Variants in BRIP1 observed in about 807,000 individuals in gnomAD.
The protein encoded by BRIP1 is Fanconi anemia group J protein.
In BRIP1, 88 loss-of-function variants were observed where a neutral mutation model predicts 119.7. That is an observed-to-expected ratio of 0.74 (90% confidence interval 0.62 to 0.88). BRIP1 has a LOEUF of 0.88. Among genes scored for constraint, BRIP1 ranks in the 40% least tolerant of loss-of-function variants. The pLI is 0.00. For synonymous variants in BRIP1, 443 were observed against 496.5 expected (o/e 0.89, Z 1.43); for missense variants, 1,259 against 1,455.4 (o/e 0.87, Z 2.20).
rs775755739 is a variant in BRIP1 at position 61,861,445 on chromosome 17, A to C, written c.93+2T>G. The C allele has an allele frequency of 6.2e-7, 1 of 1,600,248 alleles. No homozygotes were observed. Among genetic ancestry groups the C allele is most frequent in the Admixed American group, 1.7e-5 (1 of 59,994 alleles). On this transcript the variant is annotated splice_donor_variant, in intron 2 of 19. Coordinates refer to ENST00000259008, the MANE Select transcript of BRIP1 (RefSeq NM_032043.3). LOFTEE classifies it high-confidence loss of function. This position sits in a 1 kb window ranked among gnomAD's most constrained non-coding sequence, Gnocchi z 4.5. ...AAAACTTAACTGCTGAAAAATACTT[A>C]CAGAATTCATCATAGCAAGCTGTGA...
rs907563596 is a variant in BRIP1 at position 61,827,509 on chromosome 17, C to A, written c.628-18752G>T. Among the ~76,000 whole-genome samples, 5 of 152,140 alleles carry A rather than the reference C, an allele frequency of 3.3e-5. No individual in the cohort carries two copies. The highest frequency in any genetic ancestry group is 7.4e-5 in the Non-Finnish European group (5 of 68,022). On this transcript the variant is annotated intron_variant, in intron 6 of 19. Transcript: ENST00000259008. The surrounding 1 kb of genome is among the most constrained non-coding windows in gnomAD (Gnocchi z 5.8). ...TTTGAGAGGTAAGGCAGGAGGATCA[C>A]TTGAGACCAGAAGTTCAAGGCTAGC...
chr17:61,860,576 C>T lies in BRIP1; in HGVS notation c.94-669G>A, dbSNP rs886241702. Among the ~76,000 whole-genome samples the T allele has an allele frequency of 6.6e-6, 1 of 152,196 alleles. No individual in the cohort carries two copies. The highest frequency in any genetic ancestry group is 1.5e-5 in the Non-Finnish European group (1 of 68,040). ...TGGGGAGGCTGAGGCAGGAGAATAG[C>T]TTCAGCCTGGGAGGCAGGGGTTGCA... On this transcript the variant is annotated intron_variant, in intron 2 of 19. Transcript: ENST00000259008. The surrounding 1 kb of genome is among the most constrained non-coding windows in gnomAD (Gnocchi z 4.1).
In BRIP1 at chr17:61,780,946, T is replaced by C. The variant is rs577768294; in HGVS notation, c.1688A>G (p.Asp563Gly). 16 of 1,614,074 alleles carry C rather than the reference T, an allele frequency of 9.9e-6. No individual in the cohort carries two copies. The East Asian group carries it at 3.6e-4, about 36-fold the overall frequency. Residue 563 changes from aspartate to glycine, a missense_variant, in exon 12 of 20, where the codon GAT (aspartate) becomes GGT (glycine). Around this residue, in one of 3 missense-constraint regions of BRIP1, gnomAD observed 753 missense variants for 891.8 expected, o/e 0.84. Transcript: ENST00000259008. This position sits in a 1 kb window ranked among gnomAD's most constrained non-coding sequence, Gnocchi z 5.4. ...QQTYSWTNQI[D>G]ISDKNGLLVL... ...CAACAACCCATTTTTGTCTGAAATA[T>C]CAATCTGATTTGTCCAGGAGTAAGT...
Position 61,729,034 on chromosome 17 carries a change from A to G in BRIP1, c.2380-12971T>C, listed in dbSNP as rs1310031564. Among the ~76,000 whole-genome samples the G allele has an allele frequency of 1.3e-5, 2 of 148,312 alleles. No individual in the cohort carries two copies. The highest frequency in any genetic ancestry group is 3.0e-5 in the Non-Finnish European group (2 of 65,680). On this transcript the variant is annotated intron_variant, in intron 16 of 19. Transcript: ENST00000259008. The surrounding 1 kb of genome is among the most constrained non-coding windows in gnomAD (Gnocchi z 5.6). Reference sequence around the variant, plus strand: ...GAGGACGGGCGGCTGTAACCCCAGCACTTTGGGAGGCTGAGGCGGGCGGAT... The same window carrying G: ...GAGGACGGGCGGCTGTAACCCCAGCGCTTTGGGAGGCTGAGGCGGGCGGAT...
At position 61,690,729 on chromosome 17, in the gene BRIP1, T is replaced by C. The variant is rs950981692; in HGVS notation, c.2575+2701A>G. 6.6e-6 allele frequency among the ~76,000 whole-genome samples: 1 copy of C among 151,994 alleles called. No individual in the cohort carries two copies. The highest frequency in any genetic ancestry group is 6.6e-5 in the Admixed American group (1 of 15,254). ...GAAAATGAAATAAAAGGAATCCAAA[T>C]TGAAAAAGAATAAAGTGAAATGATC... On this transcript the variant is annotated intron_variant, in intron 18 of 19. Transcript: ENST00000259008. This position sits in a 1 kb window ranked among gnomAD's most constrained non-coding sequence, Gnocchi z 5.6.
rs562269598 is a variant in BRIP1, at chr17:61,762,703, G to A, written c.2097+13698C>T. On this transcript the variant is annotated intron_variant, in intron 14 of 19. Transcript: ENST00000259008. The surrounding 1 kb of genome is among the most constrained non-coding windows in gnomAD (Gnocchi z 4.3). The stretch of plus-strand genomic sequence containing the variant: ...CCTTATGCCTGTAACAATGGCTACT[G>A]TCAAAAAGATGAAAGATAACAAAGT... Among the ~76,000 whole-genome samples, 1 of 152,158 alleles carries A rather than the reference G, an allele frequency of 6.6e-6. No homozygotes were observed. Among genetic ancestry groups the A allele is most frequent in the Non-Finnish European group, 1.5e-5 (1 of 67,944 alleles).
In BRIP1 at chr17:61,803,152, C is replaced by T. The variant is rs2078021355; in HGVS notation, c.919-1678G>A. ...CTCTGTCACCTGGGGTGCAGTGGCA[C>T]GATCCAATCTTGGTTCACTGCAACC... On this transcript the variant is annotated intron_variant, in intron 7 of 19. Transcript: ENST00000259008. The surrounding 1 kb of genome is among the most constrained non-coding windows in gnomAD (Gnocchi z 4.3). 6.6e-6 allele frequency among the ~76,000 whole-genome samples: 1 copy of T among 151,162 alleles called. No individual in the cohort carries two copies. Among genetic ancestry groups the T allele is most frequent in the African/African-American group, 2.4e-5 (1 of 41,060 alleles).
At chr17:61,765,394 TATATATATATATATATATATA>T (rs1567798789) in intron 14 of BRIP1, among the ~76,000 whole-genome samples, 20 of 15,892 alleles carry the variant, frequency 1.3e-3, no homozygotes, top group Non-Finnish European at 1.9e-3. Context: ...TATATATATA[TATATATATATATATATATATA>T]TATATATATT....
intron 16 of BRIP1, among the ~76,000 whole-genome samples, chr17:61,731,377 A>G (rs918996867): frequency 2.0e-5 from 3 of 152,192 alleles, no homozygotes; most frequent in Non-Finnish European, 4.4e-5. Flanking sequence ...CACTATAACC[A>G]GAAGTCCACT....
chr17:61,771,943 C>T lies in BRIP1; in HGVS notation c.2097+4458G>A, dbSNP rs562207185. On this transcript the variant is annotated intron_variant, in intron 14 of 19. Transcript: ENST00000259008. ...TGCCACTGCACTCCAGCCTGGGTGACAGAGTGAGACTCCATCTCAAAAAAA... is the reference window on the plus strand; with the variant it reads ...TGCCACTGCACTCCAGCCTGGGTGATAGAGTGAGACTCCATCTCAAAAAAA... Among the ~76,000 whole-genome samples the T allele has an allele frequency of 3.9e-5, 6 of 151,984 alleles. No individual in the cohort carries two copies. In the South Asian group the frequency reaches 1.0e-3, roughly 26 times the overall value.
Position 61,684,089 on chromosome 17 carries a change from G to C in BRIP1, c.2957C>G (p.Ser986Cys), listed in dbSNP as rs182087528. Reference sequence around the variant, plus strand: ...GTTGAAAGTTGGGCTTGTGGATCTGGAAATCACAATTTTTTCTGCTTTCCC... The same window carrying C: ...GTTGAAAGTTGGGCTTGTGGATCTGCAAATCACAATTTTTTCTGCTTTCCC... ...EAGKAEKIVI[S>C]RSTSPTFNKQ... The change falls in exon 20 of 20, where the codon TCC becomes TGC. Residue 986 changes from serine to cysteine, a missense_variant. By Grantham distance (112) the Ser-to-Cys change is moderately radical (BLOSUM62 -1). Around this residue, in one of 3 missense-constraint regions of BRIP1, gnomAD observed 753 missense variants for 891.8 expected, o/e 0.84. Transcript: ENST00000259008. The surrounding 1 kb of genome is among the most constrained non-coding windows in gnomAD (Gnocchi z 4.5). 1.9e-6 allele frequency: 3 copies of C among 1,613,586 alleles called. No homozygotes were observed. The Admixed American group carries it at 5.0e-5, about 27-fold the overall frequency.
intron 10 of BRIP1, among the ~76,000 whole-genome samples, chr17:61,784,790 C>G (rs1603337195): frequency 6.6e-6 from 1 of 152,260 alleles, no homozygotes; most frequent in South Asian, 2.1e-4. Context: ...ATGATCTGTA[C>G]AAACCAGCTC....
intron 14 of BRIP1, among the ~76,000 whole-genome samples, chr17:61,772,813 C>A (rs2144984800): frequency 1.8e-5 from 2 of 112,774 alleles, no homozygotes; most frequent in Non-Finnish European, 1.8e-5. Context: ...GGTAAAATTC[C>A]ATCTCAGAAA....
In BRIP1 at chr17:61,744,709, T is replaced by G; in HGVS notation, c.2098-118A>C. ...ATTAATCTCTCTGTGTCTTTTCTCATTTATAAAATGAGGAAAACAATATAT... is the reference window on the plus strand; with the variant it reads ...ATTAATCTCTCTGTGTCTTTTCTCAGTTATAAAATGAGGAAAACAATATAT... On this transcript the variant is annotated intron_variant, in intron 14 of 19. Coordinates refer to ENST00000259008, the MANE Select transcript of BRIP1 (RefSeq NM_032043.3). The surrounding 1 kb of genome is among the most constrained non-coding windows in gnomAD (Gnocchi z 5.0). 3 of 930,442 alleles carry G rather than the reference T, an allele frequency of 3.2e-6. No individual in the cohort carries two copies. Among genetic ancestry groups the G allele is most frequent in the Non-Finnish European group, 5.1e-6 (3 of 586,440 alleles). 57.6% of individuals were successfully genotyped at this position (930,442 alleles called of 1,614,324 possible). A position where few individuals can be genotyped will look rare whatever the true frequency, so the allele number is the denominator to read the frequency against.
intron 6 of BRIP1, among the ~76,000 whole-genome samples, chr17:61,811,281 A>G (rs141652924): frequency 7.2e-5 from 11 of 152,018 alleles, no homozygotes; most frequent in African/African-American, 2.2e-4. Flanking sequence ...CTGGAGTGCA[A>G]TGGCATGATC....
chr17:61,716,838 A>AT (rs2061886454), intron 16 of BRIP1, among the ~76,000 whole-genome samples: 1 of 15,782 alleles, frequency 6.3e-5, no homozygotes, highest in Non-Finnish European at 1.4e-4. Context: ...CTGGATTATT[A>AT]GCTATGTCTT....
At chr17:61,850,364 G>A (rs1413477658) in intron 4 of BRIP1, among the ~76,000 whole-genome samples, 1 of 151,896 alleles carries the variant, frequency 6.6e-6, no homozygotes, top group Non-Finnish European at 1.5e-5. Flanking sequence ...GCCTCCCAAA[G>A]TGCTGGGATT....
At chr17:61,698,974 C>T (rs1468865787) in intron 17 of BRIP1, among the ~76,000 whole-genome samples, 6 of 152,124 alleles carry the variant, frequency 3.9e-5, no homozygotes, top group African/African-American at 1.4e-4. Flanking sequence ...ACCTCAGCCT[C>T]CCAAAGTGCT....
Position 61,755,266 on chromosome 17 carries a change from A to G in BRIP1, c.2098-10675T>C, listed in dbSNP as rs1394886493. Among the ~76,000 whole-genome samples, 1 of 152,166 alleles carries G rather than the reference A, an allele frequency of 6.6e-6. No individual in the cohort carries two copies. Among genetic ancestry groups the G allele is most frequent in the Non-Finnish European group, 1.5e-5 (1 of 68,030 alleles). On this transcript the variant is annotated intron_variant, in intron 14 of 19. Transcript: ENST00000259008. The surrounding 1 kb of genome is among the most constrained non-coding windows in gnomAD (Gnocchi z 4.5). Reference sequence around the variant, plus strand: ...AAAACCAGATGCCCAAGTCCTTAATAAAAGAAGAGTTGGCTGGGTGCAGTG... The same window carrying G: ...AAAACCAGATGCCCAAGTCCTTAATGAAAGAAGAGTTGGCTGGGTGCAGTG...
Sources: gnomAD v4.1 joint callset for allele counts (sites outside exome capture counted in the v4.1 genomes callset) on GRCh38, gnomAD v4.1.1 for gene constraint, gnomAD v4.1.1 regional missense constraint, Gnocchi (gnomAD v3.1) non-coding constraint, MANE v1.5 for transcripts, NCBI Gene and HGNC (gene_info 2026-07-23, HGNC 2026-07-21) for gene names.